The following SYT10 variants were observed in gnomAD, a reference collection of about 807,000 sequenced individuals.
SYT10 encodes the protein synaptotagmin-10.
SYT10 carries 31 observed loss-of-function variants against 51.1 expected under a neutral mutation model. The observed-to-expected ratio is 0.61, with a 90% CI of 0.46 to 0.82. The LOEUF (loss-of-function observed/expected upper bound fraction) is 0.82, where lower values mean the gene tolerates loss of function less well. SYT10 is among the 40% of genes least tolerant of loss of function. SYT10 has a pLI of 0.00. For missense variants in SYT10, 603 were observed against 634.0 expected (o/e 0.95, Z 0.53); for synonymous variants, 233 against 225.9 (o/e 1.03, Z -0.28).
intron 3 of SYT10, among the ~76,000 whole-genome samples, chr12:33,395,979 C>G (rs1866252807): frequency 6.6e-6 from 1 of 152,112 alleles, no homozygotes; most frequent in South Asian, 2.1e-4. Context: ...TCTGGCTCTT[C>G]TACTAATCAG....
intron 1 of SYT10, among the ~76,000 whole-genome samples, chr12:33,428,624 CG>C (rs1299453767): frequency 6.6e-6 from 1 of 152,058 alleles, no homozygotes. Flanking sequence ...AAACGACTGG[CG>C]GCCAGGCGCG....
intron 2 of SYT10, among the ~76,000 whole-genome samples, chr12:33,418,958 T>C (rs1866477637): frequency 6.6e-6 from 1 of 152,138 alleles, no homozygotes; most frequent in Non-Finnish European, 1.5e-5. Context: ...TCAAAAATAA[T>C]GTAGCCCCCT....
intron 2 of SYT10, among the ~76,000 whole-genome samples, chr12:33,423,326 C>G (rs986843090): frequency 2.7e-5 from 4 of 150,626 alleles, no homozygotes; most frequent in Admixed American, 6.6e-5. Flanking sequence ...GTGTGTGCAT[C>G]TGTGTGTGTT....
intron 1 of SYT10, chr12:33,432,840 T>A (rs184867834): frequency 3.3e-5 from 5 of 152,154 alleles, no homozygotes; most frequent in Admixed American, 6.5e-5. Flanking sequence ...GGAAAAAAAG[T>A]CATTAATATC....
intron 1 of SYT10, among the ~76,000 whole-genome samples, chr12:33,430,425 G>T (rs1424040754): frequency 1.3e-5 from 2 of 152,108 alleles, no homozygotes; most frequent in East Asian, 3.9e-4. Context: ...GCATGATCTT[G>T]TCCACTGAAA....
chr12:33,385,998 T>C (rs543052166), intron 3 of SYT10, among the ~76,000 whole-genome samples: 1 of 152,230 alleles, frequency 6.6e-6, no homozygotes, highest in African/African-American at 2.4e-5. Context: ...TACCTATTAT[T>C]ATGGTGTAAT....
At chr12:33,436,804 T>C (rs1423920829) in intron 1 of SYT10, among the ~76,000 whole-genome samples, 1 of 152,240 alleles carries the variant, frequency 6.6e-6, no homozygotes, top group East Asian at 1.9e-4. Flanking sequence ...TAATTATCAC[T>C]GTAATGTTAG....
intron 2 of SYT10, chr12:33,423,907 T>A (rs1364988122): frequency 2.2e-6 from 1 of 455,056 alleles, no homozygotes. Context: ...TAATAATACT[T>A]ACTTCATGCA....
rs1047341993 is a variant in SYT10, at chr12:33,375,673, C to T, written c.*1157G>A. On this transcript the variant is annotated 3_prime_UTR_variant, in exon 7 of 7. Coordinates refer to ENST00000228567, the MANE Select transcript of SYT10 (RefSeq NM_198992.4). ...TTCATGCAAGGACTGGAGGCCTGGG[C>T]CTTTAGAATTAATTTGTTTATTATT... 4 of 151,954 alleles carry T rather than the reference C, an allele frequency of 2.6e-5. No individual in the cohort carries two copies. The highest frequency in any genetic ancestry group is 9.7e-5 in the African/African-American group (4 of 41,376). The allele number at this position is 151,954 out of a possible 1,614,324, so 9.4% of individuals were successfully genotyped here.
Position 33,375,758 on chromosome 12 carries a change from T to A in SYT10, c.*1072A>T, listed in dbSNP as rs1278345860. Reference sequence around the variant, plus strand: ...GTATATTTCTATATGTTGCTGAAAATAAATCATCCTTTCTTTAAGAAAATA... The same window carrying A: ...GTATATTTCTATATGTTGCTGAAAAAAAATCATCCTTTCTTTAAGAAAATA... On this transcript the variant is annotated 3_prime_UTR_variant, in exon 7 of 7. Transcript: ENST00000228567. 4 of 152,560 alleles carry A rather than the reference T, an allele frequency of 2.6e-5. No individual in the cohort carries two copies. In the East Asian group the frequency reaches 7.7e-4, roughly 29 times the overall value. The allele number at this position is 152,560 out of a possible 1,614,324, so 9.5% of individuals were successfully genotyped here. A position where few individuals can be genotyped will look rare whatever the true frequency, so the allele number is the denominator to read the frequency against.
Position 33,439,438 on chromosome 12 carries a change from C to G in SYT10, c.85G>C (p.Val29Leu). 6.2e-7 allele frequency: 1 copy of G among 1,614,266 alleles called. No individual in the cohort carries two copies. The highest frequency in any genetic ancestry group is 8.5e-7 in the Non-Finnish European group (1 of 1,180,044). Reference sequence around the variant, plus strand: ...ATGCCCGAGCACTTCTCCCACTCCACCTGGCCGGCGAAGCACAGCTCGGTG... The same window carrying G: ...ATGCCCGAGCACTTCTCCCACTCCAGCTGGCCGGCGAAGCACAGCTCGGTG... ...IVTELCFAGQ[V>L]EWEKCSGIFP... Residue 29 changes from valine to leucine, a missense_variant, in exon 1 of 7, where the codon GTG becomes CTG. By Grantham distance (32) the Val-to-Leu change is conservative. Coordinates refer to ENST00000228567, the MANE Select transcript of SYT10 (RefSeq NM_198992.4).
At chr12:33,418,478 G>A (rs1334812560) in intron 2 of SYT10, among the ~76,000 whole-genome samples, 1 of 152,172 alleles carries the variant, frequency 6.6e-6, no homozygotes, top group Non-Finnish European at 1.5e-5. Context: ...GAGTTCCAGA[G>A]TCATTACCTG....
intron 3 of SYT10, among the ~76,000 whole-genome samples, chr12:33,391,924 A>G (rs1866211284): frequency 6.6e-6 from 1 of 152,238 alleles, no homozygotes; most frequent in Non-Finnish European, 1.5e-5. Context: ...GCTACCAGCA[A>G]CTAGAAAACA....
chr12:33,383,651 C>A (rs149651486), intron 4 of SYT10, among the ~76,000 whole-genome samples: 2 of 152,218 alleles, frequency 1.3e-5, no homozygotes, highest in African/African-American at 4.8e-5. Flanking sequence ...CAGGCCTAGG[C>A]CTTCTAATGA....
At chr12:33,415,694 T>C (rs190685770) in intron 2 of SYT10, among the ~76,000 whole-genome samples, 2 of 152,312 alleles carry the variant, frequency 1.3e-5, no homozygotes, top group African/African-American at 2.4e-5. Flanking sequence ...TAAAGAGGCT[T>C]GAATAGCAAG....
At chr12:33,396,746 C>T (rs1325190573) in intron 3 of SYT10, among the ~76,000 whole-genome samples, 4 of 150,668 alleles carry the variant, frequency 2.7e-5, no homozygotes, top group East Asian at 2.0e-4. Context: ...TGCAGTGGCG[C>T]GATCTTGGCT....
chr12:33,392,528 AG>A (rs1401421429), intron 3 of SYT10, among the ~76,000 whole-genome samples: 2 of 152,128 alleles, frequency 1.3e-5, no homozygotes, highest in African/African-American at 4.8e-5. Context: ...ATACAGGAAA[AG>A]GAGGCTTCTA....
intron 2 of SYT10, among the ~76,000 whole-genome samples, chr12:33,423,189 G>A (rs1488673446): frequency 6.6e-6 from 1 of 152,076 alleles, no homozygotes; most frequent in Non-Finnish European, 1.5e-5. Flanking sequence ...TAAATACAGA[G>A]ACAAGTAAAA....
At chr12:33,404,304 T>A (rs1456981549) in intron 3 of SYT10, among the ~76,000 whole-genome samples, 2 of 152,180 alleles carry the variant, frequency 1.3e-5, no homozygotes, top group Admixed American at 1.3e-4. Context: ...AAAATGGGTC[T>A]CCCCAAGAGC....
Sources: allele counts gnomAD v4.1 joint callset (sites outside exome capture counted in the v4.1 genomes callset), GRCh38; gene constraint gnomAD v4.1.1; transcripts MANE v1.5; gene names NCBI Gene and HGNC (gene_info 2026-07-23, HGNC 2026-07-21).